The following ATF2 variants were observed in gnomAD, a reference collection of about 807,000 sequenced individuals.
ATF2 encodes cyclic AMP-dependent transcription factor ATF-2.
ATF2 carries 24 observed loss-of-function variants against 60.6 expected under a neutral mutation model. The observed-to-expected ratio is 0.40, with a 90% CI of 0.29 to 0.56. The LOEUF (loss-of-function observed/expected upper bound fraction) is 0.56, where lower values mean the gene tolerates loss of function less well. ATF2 is among the 20% of genes least tolerant of loss of function. ATF2 has a pLI of 0.54. For missense variants in ATF2, 433 were observed against 607.7 expected (o/e 0.71, Z 3.02); for synonymous variants, 206 against 215.4 (o/e 0.96, Z 0.38).
rs1379465294 is a variant in ATF2 at position 175,073,103 on chromosome 2, T to G, written c.*1506A>C. On this transcript the variant is annotated 3_prime_UTR_variant, in exon 14 of 14. Coordinates refer to ENST00000264110, the MANE Select transcript of ATF2 (RefSeq NM_001880.4). Reference sequence around the variant, plus strand: ...GGAATCCTGCTTGAATGCCAGAAGTTGCTACTGGGTAGGACTCATAACTAT... The same window carrying G: ...GGAATCCTGCTTGAATGCCAGAAGTGGCTACTGGGTAGGACTCATAACTAT... The G allele has an allele frequency of 6.6e-6, 1 of 152,120 alleles. No individual in the cohort carries two copies. The highest frequency in any genetic ancestry group is 1.5e-5 in the Non-Finnish European group (1 of 68,006). The allele number at this position is 152,120 out of a possible 1,614,324, so 9.4% of individuals were successfully genotyped here.
At chr2:175,099,971 G>A (rs1165499971) in intron 10 of ATF2, among the ~76,000 whole-genome samples, 2 of 152,234 alleles carry the variant, frequency 1.3e-5, no homozygotes, top group Non-Finnish European at 2.9e-5. Flanking sequence ...TACTGCAACT[G>A]CTAAGCCAGG....
intron 2 of ATF2, among the ~76,000 whole-genome samples, chr2:175,141,264 C>A (rs1342989937): frequency 6.6e-6 from 1 of 151,394 alleles, no homozygotes; most frequent in Non-Finnish European, 1.5e-5. Context: ...CTCCTCCTAT[C>A]CCACCATGGG....
chr2:175,109,066 C>T (rs2105666023), intron 10 of ATF2, among the ~76,000 whole-genome samples: 1 of 151,166 alleles, frequency 6.6e-6, no homozygotes, highest in South Asian at 2.1e-4. Flanking sequence ...CATAGGAAAA[C>T]CAGAGACCTT....
At chr2:175,107,485 T>C (rs896119108) in intron 10 of ATF2, among the ~76,000 whole-genome samples, 12 of 151,534 alleles carry the variant, frequency 7.9e-5, no homozygotes, top group African/African-American at 1.9e-4. Flanking sequence ...AGACAGACAA[T>C]TGCTGAGCAG....
intron 1 of ATF2, among the ~76,000 whole-genome samples, chr2:175,153,725 G>C (rs1039430761): frequency 1.3e-5 from 2 of 151,642 alleles, no homozygotes; most frequent in African/African-American, 4.8e-5. Flanking sequence ...AGCTACTTGG[G>C]AGGCTGAGGC....
chr2:175,086,279 A>G lies in ATF2; in HGVS notation c.1186-5514T>C, dbSNP rs949475331. 4.1e-4 allele frequency among the ~76,000 whole-genome samples: 63 copies of G among 152,214 alleles called. 2 individuals carry two copies. On this transcript the variant is annotated intron_variant, in intron 12 of 13. Transcript: ENST00000264110. ...ATAGTCGATTTCATTAAAAGATGGTATCACCACTAGATTAAAAGCAGCAAA... is the reference window on the plus strand; with the variant it reads ...ATAGTCGATTTCATTAAAAGATGGTGTCACCACTAGATTAAAAGCAGCAAA...
At chr2:175,075,055 C>G in intron 13 of ATF2, 1 of 1,411,416 alleles carries the variant, frequency 7.1e-7, no homozygotes, top group Non-Finnish European at 9.3e-7. Flanking sequence ...TGGGTGCCCA[C>G]TGCCTTATGG....
At chr2:175,165,513 GA>G (rs543262574) in intron 1 of ATF2, among the ~76,000 whole-genome samples, 16 of 152,146 alleles carry the variant, frequency 1.1e-4, no homozygotes, top group Non-Finnish European at 1.3e-4. Context: ...AATTTGGGTA[GA>G]AAAAATGTAC....
chr2:175,165,751 CCTCCGCCTCCCAGGTTCAACAGATT>C (rs1167299505), intron 1 of ATF2, among the ~76,000 whole-genome samples: 12 of 152,150 alleles, frequency 7.9e-5, no homozygotes, highest in African/African-American at 2.9e-4. Flanking sequence ...CTCACTGCAA[CCTCCGCCTCCCAGGTTCAACAGATT>C]CTCCGCCTCA....
intron 4 of ATF2, among the ~76,000 whole-genome samples, chr2:175,124,127 G>A (rs1697157693): frequency 6.6e-6 from 1 of 151,608 alleles, no homozygotes; most frequent in South Asian, 2.1e-4. Context: ...TATATTACTA[G>A]CAACACCAAC....
chr2:175,128,466 C>A (rs1276329014), intron 4 of ATF2, among the ~76,000 whole-genome samples: 1 of 151,360 alleles, frequency 6.6e-6, no homozygotes, highest in Admixed American at 6.6e-5. Flanking sequence ...TGCCATTGCA[C>A]TCCTGCCTAG....
chr2:175,148,128 G>C (rs1699076481), intron 2 of ATF2: 1 of 152,028 alleles, frequency 6.6e-6, no homozygotes, highest in African/African-American at 2.4e-5. Context: ...GAAAAACAGA[G>C]GTGAGAAATC....
chr2:175,114,859 A>G lies in ATF2; in HGVS notation c.457T>C (p.Leu153=). ...STTSDEKEVP[L]AQTAQPTSAI... is the part of the protein sequence containing the mutation. The stretch of plus-strand genomic sequence containing the variant: ...GATGTGGGCTGTGCAGTTTGTGCCA[A>G]TGGTACTTCCTATTTAACAATGAGA... Residue 153 remains leucine, a synonymous_variant, in exon 8 of 14, where the codon TTG becomes CTG. Transcript: ENST00000264110. 3 of 1,612,346 alleles carry G rather than the reference A, an allele frequency of 1.9e-6. No homozygotes were observed. The highest frequency in any genetic ancestry group is 2.5e-6 in the Non-Finnish European group (3 of 1,178,780).
rs1043546654 is a variant in ATF2, at chr2:175,134,998, C to T, written c.32+1414G>A. Among the ~76,000 whole-genome samples the T allele has an allele frequency of 4.4e-5, 6 of 137,120 alleles. 1 individual carries two copies. The East Asian group carries it at 1.1e-3, about 25-fold the overall frequency. 90.0% of individuals were successfully genotyped at this position (137,120 alleles called of 152,430 possible). A position where few individuals can be genotyped will look rare whatever the true frequency, so the allele number is the denominator to read the frequency against. On this transcript the variant is annotated intron_variant, in intron 3 of 13. Coordinates refer to ENST00000264110, the MANE Select transcript of ATF2 (RefSeq NM_001880.4). ...CAGCCTGGGTGACAAAATAAGACCC[C>T]ATCTCTTTAAAAAAAAAAAAAAAAA...
At chr2:175,079,937 T>C (rs1261482440) in intron 13 of ATF2, among the ~76,000 whole-genome samples, 4 of 152,158 alleles carry the variant, frequency 2.6e-5, no homozygotes, top group African/African-American at 9.7e-5. Context: ...TTGTATACTA[T>C]GGACAAAATT....
chr2:175,117,072 A>G (rs544010745), intron 7 of ATF2, among the ~76,000 whole-genome samples: 1 of 152,062 alleles, frequency 6.6e-6, no homozygotes, highest in South Asian at 2.1e-4. Flanking sequence ...TCACTTATGT[A>G]TTTGTACCTA....
At chr2:175,153,228 G>C (rs1238388279) in intron 1 of ATF2, among the ~76,000 whole-genome samples, 1 of 152,070 alleles carries the variant, frequency 6.6e-6, no homozygotes, top group Non-Finnish European at 1.5e-5. Context: ...TTTGTAACTT[G>C]AAAGGCACAG....
At position 175,136,015 on chromosome 2, in the gene ATF2, G is replaced by GTT. The variant is rs34199956; in HGVS notation, c.32+395_32+396dup. On this transcript the variant is annotated intron_variant, in intron 3 of 13. Coordinates refer to ENST00000264110, the MANE Select transcript of ATF2 (RefSeq NM_001880.4). ...AAAATATACTTTTCTTTCTTTCTTT[G>GTT]TTTTTTTTTTTTTTTTTTGGCAGGA... Among the ~76,000 whole-genome samples, 100 of 124,922 alleles carry GTT rather than the reference G, an allele frequency of 8.0e-4. 1 individual carries two copies. The highest frequency in any genetic ancestry group is 2.6e-3 in the South Asian group (10 of 3,884). The allele number at this position is 124,922 out of a possible 152,430, so 82.0% of individuals were successfully genotyped here. A position where few individuals can be genotyped will look rare whatever the true frequency, so the allele number is the denominator to read the frequency against.
chr2:175,108,262 G>A (rs1442454092), intron 10 of ATF2, among the ~76,000 whole-genome samples: 2 of 151,228 alleles, frequency 1.3e-5, no homozygotes, highest in South Asian at 2.1e-4. Context: ...CCCAGCAGCC[G>A]CCCCGTCTGG....
Sources: gnomAD v4.1 joint callset for allele counts (sites outside exome capture counted in the v4.1 genomes callset) on GRCh38, gnomAD v4.1.1 for gene constraint, MANE v1.5 for transcripts, NCBI Gene and HGNC (gene_info 2026-07-23, HGNC 2026-07-21) for gene names.